The following BABAM2 variants were observed in gnomAD, a reference collection of about 807,000 sequenced individuals.
The protein encoded by BABAM2 is BRISC and BRCA1 A complex member 2.
Under a neutral mutation model 54.7 loss-of-function variants are expected in BABAM2, and 31 were observed. The ratio of observed to expected loss-of-function variants is 0.57; its 90% CI spans 0.43 to 0.77. BABAM2 has a LOEUF of 0.77. BABAM2 is among the 30% of genes least tolerant of loss of function. BABAM2 has a pLI of 0.00. For missense variants in BABAM2, 364 were observed against 455.8 expected (o/e 0.80, Z 1.83); for synonymous variants, 167 against 162.9 (o/e 1.03, Z -0.19).
At chr2:28,057,285 C>T (rs551486438) in intron 6 of BABAM2, among the ~76,000 whole-genome samples, 3 of 152,318 alleles carry the variant, frequency 2.0e-5, no homozygotes, top group Admixed American at 6.5e-5. Flanking sequence ...ACTTCCTTGT[C>T]TTACTAATCC....
chr2:28,016,499 C>T, intron 4 of BABAM2: 1 of 978,904 alleles, frequency 1.0e-6, no homozygotes, highest in Non-Finnish European at 1.6e-6. Context: ...GGGCTGAGCA[C>T]ACAGTCGCAC....
intron 7 of BABAM2, among the ~76,000 whole-genome samples, chr2:28,173,575 C>T (rs1398192588): frequency 1.3e-5 from 2 of 152,218 alleles, no homozygotes; most frequent in African/African-American, 2.4e-5. Flanking sequence ...GCTCCCAGGC[C>T]GTTGAGCGCA....
At chr2:28,252,462 C>T (rs1394816903) in intron 10 of BABAM2, among the ~76,000 whole-genome samples, 4 of 152,174 alleles carry the variant, frequency 2.6e-5, no homozygotes, top group Admixed American at 2.0e-4. Context: ...ATTATACACA[C>T]AAGCACACCC....
At chr2:28,099,568 TG>T (rs1666899174) in intron 6 of BABAM2, among the ~76,000 whole-genome samples, 2 of 152,266 alleles carry the variant, frequency 1.3e-5, no homozygotes, top group Non-Finnish European at 1.5e-5. Flanking sequence ...ATTATTTTAA[TG>T]TGATCTTTTT....
chr2:28,198,233 G>A (rs11901768), intron 7 of BABAM2, among the ~76,000 whole-genome samples: 1,878 of 151,304 alleles, frequency 0.012, 37 homozygotes, highest in African/African-American at 0.044. Flanking sequence ...GTACAATCTC[G>A]GCTCACTGCA....
chr2:28,109,470 G>A (rs1667812622), intron 6 of BABAM2, among the ~76,000 whole-genome samples: 1 of 152,032 alleles, frequency 6.6e-6, no homozygotes, highest in African/African-American at 2.4e-5. Context: ...TTACAGGTGT[G>A]AGCCACCGCA....
chr2:28,159,355 A>G (rs569906226), intron 7 of BABAM2, among the ~76,000 whole-genome samples: 3 of 152,312 alleles, frequency 2.0e-5, no homozygotes, highest in African/African-American at 7.2e-5. Flanking sequence ...ACGTAGAACC[A>G]TAGCAGCCCA....
At chr2:27,948,615 A>G (rs1669474052) in intron 3 of BABAM2, among the ~76,000 whole-genome samples, 1 of 152,200 alleles carries the variant, frequency 6.6e-6, no homozygotes, top group Non-Finnish European at 1.5e-5. Flanking sequence ...TACTAAAAAT[A>G]CAAAAATCAC....
rs373173885 is a variant in BABAM2, at chr2:28,100,972, T to C, written c.571-28299T>C. 8.8e-4 allele frequency among the ~76,000 whole-genome samples: 134 copies of C among 152,174 alleles called. 1 individual carries two copies. The South Asian group carries it at 0.027, about 31-fold the overall frequency. On this transcript the variant is annotated intron_variant, in intron 6 of 11. Transcript: ENST00000379624. ...GTTTACATACAGAGAAGGCAACAGA[T>C]AGGTATCATTTCCAGGGAAGCAGGC... is the stretch of plus-strand genomic sequence containing the variant.
At chr2:28,286,007 G>GT (rs1201661937) in intron 10 of BABAM2, among the ~76,000 whole-genome samples, 3 of 150,042 alleles carry the variant, frequency 2.0e-5, no homozygotes, top group Non-Finnish European at 4.4e-5. Flanking sequence ...CCAGGCTGGA[G>GT]TGCAGTGGTA....
intron 3 of BABAM2, among the ~76,000 whole-genome samples, chr2:27,966,680 G>C (rs1353957774): frequency 1.3e-5 from 2 of 152,180 alleles, no homozygotes; most frequent in Admixed American, 1.3e-4. Flanking sequence ...AGAAATTGCT[G>C]TACTCTGCGA....
intron 3 of BABAM2, among the ~76,000 whole-genome samples, chr2:27,955,918 G>T (rs549928809): frequency 1.3e-5 from 2 of 151,644 alleles, no homozygotes; most frequent in East Asian, 3.9e-4. Context: ...TATGTTGTGA[G>T]ATTTAGAAAA....
chr2:28,191,203 A>G (rs1676871558), intron 7 of BABAM2, among the ~76,000 whole-genome samples: 1 of 152,252 alleles, frequency 6.6e-6, no homozygotes, highest in South Asian at 2.1e-4. Flanking sequence ...CCACAATGAG[A>G]TTAATACTAT....
chr2:28,316,407 AGTGGGGGTGGGGGTGGGGGTGGGG>A (rs1195024001), intron 11 of BABAM2, among the ~76,000 whole-genome samples: 1 of 13,716 alleles, frequency 7.3e-5, no homozygotes, highest in South Asian at 3.4e-3. Flanking sequence ...TGGGGGTGGG[AGTGGGGGTGGGGGTGGGGGTGGGG>A]GTGGGGGTGG....
chr2:28,225,169 C>T (rs749127495), intron 7 of BABAM2, among the ~76,000 whole-genome samples: 5 of 152,180 alleles, frequency 3.3e-5, no homozygotes, highest in South Asian at 2.1e-4. Flanking sequence ...TAGGCCAACC[C>T]GGGCTGATCG....
intron 10 of BABAM2, among the ~76,000 whole-genome samples, chr2:28,283,385 T>G (rs553324442): frequency 1.3e-5 from 2 of 152,348 alleles, no homozygotes; most frequent in South Asian, 4.1e-4. Flanking sequence ...ATGTCTCACC[T>G]AGCTACAGTA....
intron 7 of BABAM2, among the ~76,000 whole-genome samples, chr2:28,200,111 C>A (rs1678099982): frequency 6.6e-6 from 1 of 152,154 alleles, no homozygotes; most frequent in Non-Finnish European, 1.5e-5. Flanking sequence ...AATCAACTTT[C>A]CAAAACAACC....
At chr2:27,976,846 A>G (rs1671644310) in intron 3 of BABAM2, among the ~76,000 whole-genome samples, 1 of 152,170 alleles carries the variant, frequency 6.6e-6, no homozygotes, top group Non-Finnish European at 1.5e-5. Context: ...AGATATTAGA[A>G]GTGCAAAGAA....
chr2:28,020,397 T>C (rs1675161274), intron 4 of BABAM2, among the ~76,000 whole-genome samples: 1 of 152,218 alleles, frequency 6.6e-6, no homozygotes, highest in Non-Finnish European at 1.5e-5. Flanking sequence ...TACATACATA[T>C]GCATGTATAT....
Sources: gnomAD v4.1 joint callset for allele counts (sites outside exome capture counted in the v4.1 genomes callset) on GRCh38, gnomAD v4.1.1 for gene constraint, MANE v1.5 for transcripts, NCBI Gene and HGNC (gene_info 2026-07-23, HGNC 2026-07-21) for gene names.